DHX32: variants seen among roughly 807,000 people sequenced by gnomAD.
The protein encoded by DHX32 is putative pre-mRNA-splicing factor ATP-dependent RNA helicase DHX32.
DHX32 carries 51 observed loss-of-function variants against 70.0 expected under a neutral mutation model. That is an observed-to-expected ratio of 0.73 (90% CI 0.58 to 0.92). The LOEUF is 0.92. Ranked by LOEUF, DHX32 falls within the 40% of genes least tolerant of loss-of-function variation. DHX32 has a pLI of 0.00. For synonymous variants in DHX32, 310 were observed against 315.3 expected (o/e 0.98, Z 0.18); for missense variants, 762 against 891.8 (o/e 0.85, Z 1.85).
chr10:125,868,993 C>G (rs535277251), intron 1 of DHX32, among the ~76,000 whole-genome samples: 6 of 152,250 alleles, frequency 3.9e-5, no homozygotes, highest in African/African-American at 1.4e-4. Context: ...CCGTGTTGGT[C>G]ACCAAATTAT....
rs199783967 is a variant in DHX32 at position 125,880,532 on chromosome 10, T to C, written c.282+11A>G. ...ACATACAGCAAATTATTTTTTGTAGTGGTTACTCACCTGAGCGCTCTTACC... is the reference window on the plus strand; with the variant it reads ...ACATACAGCAAATTATTTTTTGTAGCGGTTACTCACCTGAGCGCTCTTACC... On this transcript the variant is annotated intron_variant, in intron 1 of 10. Transcript: ENST00000284690. 5.9e-3 allele frequency: 9,192 copies of C among 1,563,494 alleles called. 29 individuals are homozygous for C. The highest frequency in any genetic ancestry group is 6.9e-3 in the Non-Finnish European group (7,937 of 1,155,422).
chr10:125,886,366 T>C (rs536787481), intron 1 of DHX32, among the ~76,000 whole-genome samples: 31 of 152,314 alleles, frequency 2.0e-4, no homozygotes, highest in African/African-American at 7.0e-4. Flanking sequence ...TAACATAATG[T>C]ATACATTTTC....
intron 2 of DHX32, 110 bp from the exon 3 acceptor site, chr10:125,860,085 TAAATTTTTACTGGGGCCA>T: frequency 9.4e-7 from 1 of 1,064,214 alleles, no homozygotes; most frequent in Non-Finnish European, 1.3e-6. Flanking sequence ...TCAGTAACTC[TAAATTTTTACTGGGGCCA>T]AAATTCCTTT....
chr10:125,892,566 T>C (rs557785110), intron 1 of DHX32, among the ~76,000 whole-genome samples: 1 of 152,364 alleles, frequency 6.6e-6, no homozygotes, highest in South Asian at 2.1e-4. Flanking sequence ...GGCTTAGTTG[T>C]TCTCCCGGCC....
At chr10:125,867,393 G>C (rs1944227047) in intron 1 of DHX32, among the ~76,000 whole-genome samples, 1 of 152,208 alleles carries the variant, frequency 6.6e-6, no homozygotes, top group Admixed American at 6.5e-5. Flanking sequence ...AGAAACAGGA[G>C]TTAACAGGGA....
In DHX32 at chr10:125,880,851, T is replaced by C. The variant is rs1331658854; in HGVS notation, c.-27A>G. On this transcript the variant is annotated 5_prime_UTR_variant, in exon 1 of 11. Coordinates refer to ENST00000284690, the MANE Select transcript of DHX32 (RefSeq NM_018180.3). ...TTGTCTGACAGTGAGCTCACGCAGC[T>C]GACATTCCACAAGCAAGTTTCTCCT... 2 of 1,591,756 alleles carry C rather than the reference T, an allele frequency of 1.3e-6. No individual in the cohort carries two copies. Among genetic ancestry groups the C allele is most frequent in the Non-Finnish European group, 1.7e-6 (2 of 1,170,904 alleles).
chr10:125,853,204 C>A (rs780514167), intron 4 of DHX32: 7 of 1,612,232 alleles, frequency 4.3e-6, no homozygotes, highest in Non-Finnish European at 5.9e-6. Flanking sequence ...TAAGTGATTT[C>A]CAGGGAACCT....
intron 1 of DHX32, among the ~76,000 whole-genome samples, chr10:125,886,914 G>A (rs78505479): frequency 8.9e-4 from 124 of 138,964 alleles, no homozygotes; most frequent in African/African-American, 1.7e-3. Flanking sequence ...CTCTTGAACC[G>A]TTTGTACTAG....
chr10:125,857,400 C>T (rs746206137), intron 3 of DHX32, among the ~76,000 whole-genome samples: 3 of 152,186 alleles, frequency 2.0e-5, no homozygotes, highest in Non-Finnish European at 2.9e-5. Context: ...CAGGGCAGGT[C>T]GGCTGTTGAG....
intron 1 of DHX32, among the ~76,000 whole-genome samples, chr10:125,871,542 A>T (rs1242164406): frequency 1.3e-5 from 2 of 152,220 alleles, no homozygotes; most frequent in Non-Finnish European, 2.9e-5. Context: ...ATGCAAACAC[A>T]AACTGAAAAG....
intron 2 of DHX32, among the ~76,000 whole-genome samples, chr10:125,865,045 G>C (rs1281254592): frequency 7.3e-6 from 1 of 136,810 alleles, no homozygotes; most frequent in Non-Finnish European, 1.6e-5. Context: ...CTACATTAAA[G>C]AATCCTTTTA....
chr10:125,859,820 A>G lies in DHX32; in HGVS notation c.632T>C (p.Leu211Pro). ...LKDVLLARPE[L>P]KLIINSSPHL... ...AGGTGAGGAGTTAATTATGAGCTTCAGTTCTGGTCTTGCTAGTAAAACATC... is the reference window on the plus strand; with the variant it reads ...AGGTGAGGAGTTAATTATGAGCTTCGGTTCTGGTCTTGCTAGTAAAACATC... The change falls in exon 3 of 11, where the codon CTG becomes CCG. Residue 211 changes from leucine to proline, a missense_variant. This residue lies in a region of DHX32 where 394 missense variants were observed against 473.1 expected (regional missense o/e 0.83). Coordinates refer to ENST00000284690, the MANE Select transcript of DHX32 (RefSeq NM_018180.3). 3 of 1,614,124 alleles carry G rather than the reference A, an allele frequency of 1.9e-6. No individual in the cohort carries two copies. Among genetic ancestry groups the G allele is most frequent in the Non-Finnish European group, 1.7e-6 (2 of 1,180,014 alleles).
At chr10:125,858,787 G>A (rs181243524) in intron 3 of DHX32, among the ~76,000 whole-genome samples, 4 of 152,178 alleles carry the variant, frequency 2.6e-5, no homozygotes, top group Admixed American at 1.3e-4. Context: ...AAAAGGCCAG[G>A]CAATTAGTCT....
chr10:125,879,171 G>A (rs768171198), intron 1 of DHX32, among the ~76,000 whole-genome samples: 5 of 151,198 alleles, frequency 3.3e-5, no homozygotes, highest in South Asian at 2.1e-4. Flanking sequence ...CCACAGGCAC[G>A]CACCACCATG....
chr10:125,869,813 A>G (rs1280078444), intron 1 of DHX32, among the ~76,000 whole-genome samples: 1 of 152,164 alleles, frequency 6.6e-6, no homozygotes, highest in Non-Finnish European at 1.5e-5. Context: ...AATACCGAAC[A>G]GAGGATCTGA....
intron 1 of DHX32, among the ~76,000 whole-genome samples, chr10:125,892,071 A>G (rs1944374211): frequency 6.6e-6 from 1 of 152,194 alleles, no homozygotes; most frequent in Admixed American, 6.5e-5. Flanking sequence ...AGGCATCTCA[A>G]ACTGAACACA....
rs75993006 is a variant in DHX32, at chr10:125,838,735, C to T, written c.1881+266G>A. ...TGCTTTACACTTGGTGTGTAGCACGCAATGACCCTGTGATGTAGGAACCTT... is the reference window on the plus strand; with the variant it reads ...TGCTTTACACTTGGTGTGTAGCACGTAATGACCCTGTGATGTAGGAACCTT... On this transcript the variant is annotated intron_variant, in intron 9 of 10. Coordinates refer to ENST00000284690, the MANE Select transcript of DHX32 (RefSeq NM_018180.3). Among the ~76,000 whole-genome samples, 1,188 of 152,260 alleles carry T rather than the reference C, an allele frequency of 7.8e-3. 22 individuals are homozygous for T. Among genetic ancestry groups the T allele is most frequent in the African/African-American group, 0.026 (1,098 of 41,536 alleles).
intron 3 of DHX32, chr10:125,854,943 A>G (rs1944132801): frequency 6.6e-6 from 1 of 152,194 alleles, no homozygotes; most frequent in Admixed American, 6.5e-5. Flanking sequence ...ATTAAAAGGA[A>G]GGCCAGGAGT....
rs528280285 is a variant in DHX32, at chr10:125,864,817, C to A, written c.476+2173G>T. On this transcript the variant is annotated intron_variant, in intron 2 of 10. Transcript: ENST00000284690. Reference sequence around the variant, plus strand: ...TGATGGTGCATGCCTGTAGTCCCAGCTACTTAGGAGGCTGAGGCACGATAA... The same window carrying A: ...TGATGGTGCATGCCTGTAGTCCCAGATACTTAGGAGGCTGAGGCACGATAA... Among the ~76,000 whole-genome samples the A allele has an allele frequency of 5.3e-5, 8 of 151,330 alleles. No individual in the cohort carries two copies. The South Asian group carries it at 1.7e-3, about 32-fold the overall frequency.
Sources: gnomAD v4.1 joint callset for allele counts (sites outside exome capture counted in the v4.1 genomes callset) on GRCh38, gnomAD v4.1.1 for gene constraint, gnomAD v4.1.1 regional missense constraint, MANE v1.5 for transcripts, NCBI Gene and HGNC (gene_info 2026-07-23, HGNC 2026-07-21) for gene names.